The following THSD7A variants were observed in gnomAD, a reference collection of about 807,000 sequenced individuals.
The protein encoded by THSD7A is thrombospondin type-1 domain-containing protein 7A.
In THSD7A, 96 loss-of-function variants were observed where a neutral mutation model predicts 231.3. That is an observed-to-expected ratio of 0.41 (90% CI 0.35 to 0.49). THSD7A has a LOEUF of 0.49. Ranked by LOEUF, THSD7A falls within the 20% of genes least tolerant of loss-of-function variation. THSD7A has a pLI of 0.05. For missense variants in THSD7A, 2,290 were observed against 2,070.2 expected (o/e 1.11, Z -2.06); for synonymous variants, 940 against 743.3 (o/e 1.26, Z -4.30).
In THSD7A at chr7:11,814,507, C is replaced by T. The variant is rs1452349650; in HGVS notation, c.190+17250G>A. Among the ~76,000 whole-genome samples, 1 of 152,124 alleles carries T rather than the reference C, an allele frequency of 6.6e-6. No homozygotes were observed. The highest frequency in any genetic ancestry group is 2.4e-5 in the African/African-American group (1 of 41,426). On this transcript the variant is annotated intron_variant, in intron 1 of 27. Coordinates refer to ENST00000423059, the MANE Select transcript of THSD7A (RefSeq NM_015204.3). This position sits in a 1 kb window ranked among gnomAD's most constrained non-coding sequence, Gnocchi z 5.1. ...AGAATGATCTTGAAAGCTCTGAAAACTTTCATCATGATTTGGGAAATCATG... is the reference window on the plus strand; with the variant it reads ...AGAATGATCTTGAAAGCTCTGAAAATTTTCATCATGATTTGGGAAATCATG...
chr7:11,663,610 C>A (rs748890930), intron 1 of THSD7A, among the ~76,000 whole-genome samples: 41 of 151,456 alleles, frequency 2.7e-4, no homozygotes, highest in Admixed American at 2.6e-4. Flanking sequence ...AAATTAGAGG[C>A]CAGTCTCTCT....
rs57740181 is a variant in THSD7A, at chr7:11,778,156, CA to C, written c.190+53600del. The stretch of plus-strand genomic sequence containing the variant: ...TGGGCGACAGAGCGAGACTCCGTCT[CA>C]AAAAAAAAAAAAAAAAAAAAAGAAA... On this transcript the variant is annotated intron_variant, in intron 1 of 27. Transcript: ENST00000423059. 7.4e-3 allele frequency among the ~76,000 whole-genome samples: 333 copies of C among 45,040 alleles called. 3 individuals are homozygous for C. Among genetic ancestry groups the C allele is most frequent in the South Asian group, 0.02 (16 of 794 alleles). 29.5% of individuals were successfully genotyped at this position (45,040 alleles called of 152,430 possible).
intron 9 of THSD7A, among the ~76,000 whole-genome samples, chr7:11,468,043 T>C (rs1785778620): frequency 6.6e-6 from 1 of 152,036 alleles, no homozygotes; most frequent in Non-Finnish European, 1.5e-5. Context: ...AAAAGAGTAA[T>C]TTACACAATA....
intron 5 of THSD7A, 94 bp from the exon 6 acceptor site, chr7:11,541,725 A>T (rs1366196871): frequency 1.7e-6 from 2 of 1,176,534 alleles, no homozygotes; most frequent in African/African-American, 1.5e-5. Context: ...GTTGGATAAG[A>T]GTGGAGGTAG....
At chr7:11,660,898 C>T (rs536857692) in intron 1 of THSD7A, among the ~76,000 whole-genome samples, 1 of 151,256 alleles carries the variant, frequency 6.6e-6, no homozygotes, top group Non-Finnish European at 1.5e-5. Flanking sequence ...TATTTTAAAA[C>T]AACAGAGACA....
At position 11,786,815 on chromosome 7, in the gene THSD7A, T is replaced by G. The variant is rs1583290649; in HGVS notation, c.190+44942A>C. 2.0e-5 allele frequency among the ~76,000 whole-genome samples: 3 copies of G among 151,340 alleles called. No homozygotes were observed. The East Asian group carries it at 5.8e-4, about 29-fold the overall frequency. ...ATGTAATGCTAGTAAAGTCTTTTCT[T>G]TGGTCTCTCTCTTCCCCTACACCGA... On this transcript the variant is annotated intron_variant, in intron 1 of 27. Transcript: ENST00000423059.
In THSD7A at chr7:11,607,772, A is replaced by G. The variant is rs374539518; in HGVS notation, c.1023-14270T>C. ...GGCAAAATGCACTCATGTTAAAGCC[A>G]TTTTCCTTGTAAAAACAGAGGTCTT... On this transcript the variant is annotated intron_variant, in intron 2 of 27. Coordinates refer to ENST00000423059, the MANE Select transcript of THSD7A (RefSeq NM_015204.3). Among the ~76,000 whole-genome samples the G allele has an allele frequency of 3.3e-5, 5 of 152,182 alleles. 1 individual carries two copies. Among genetic ancestry groups the G allele is most frequent in the African/African-American group, 9.6e-5 (4 of 41,540 alleles).
At chr7:11,676,070 C>A (rs567964663) in intron 1 of THSD7A, among the ~76,000 whole-genome samples, 1 of 152,162 alleles carries the variant, frequency 6.6e-6, no homozygotes, top group Non-Finnish European at 1.5e-5. Context: ...AAAGAAGGAG[C>A]AAGCAGCAAT....
Position 11,379,714 on chromosome 7 carries a change from T to C in THSD7A, c.4508-2A>G. ...GCTGGCTCATCACCAAGCAGCCCCCTGCGGAACAGAAAATCATGTTTTGAC... is the reference window on the plus strand; with the variant it reads ...GCTGGCTCATCACCAAGCAGCCCCCCGCGGAACAGAAAATCATGTTTTGAC... On this transcript the variant is annotated splice_acceptor_variant, in intron 24 of 27. Transcript: ENST00000423059. LOFTEE classifies it high-confidence loss of function. The C allele has an allele frequency of 6.3e-7, 1 of 1,581,914 alleles. No homozygotes were observed. Among genetic ancestry groups the C allele is most frequent in the Non-Finnish European group, 8.6e-7 (1 of 1,162,986 alleles).
At chr7:11,575,315 C>T (rs68) in intron 4 of THSD7A, among the ~76,000 whole-genome samples, 125,040 of 152,132 alleles carry the variant, frequency 0.82, 51,776 homozygotes, top group African/African-American at 0.91. Flanking sequence ...CTTACATCTG[C>T]TTCAGATTTT....
intron 14 of THSD7A, among the ~76,000 whole-genome samples, chr7:11,428,407 G>A (rs956037835): frequency 3.9e-5 from 6 of 152,070 alleles, no homozygotes; most frequent in Admixed American, 3.3e-4. Flanking sequence ...AAATAAAATT[G>A]AAAATGGTCA....
At chr7:11,460,056 A>G (rs760317370) in intron 11 of THSD7A, among the ~76,000 whole-genome samples, 1 of 152,074 alleles carries the variant, frequency 6.6e-6, no homozygotes, top group Non-Finnish European at 1.5e-5. Flanking sequence ...TATCTAGTAA[A>G]TAATTATGGC....
At chr7:11,659,176 T>C (rs569959975) in intron 1 of THSD7A, among the ~76,000 whole-genome samples, 60 of 151,840 alleles carry the variant, frequency 4.0e-4, no homozygotes, top group African/African-American at 1.4e-3. Context: ...AGTTACACAT[T>C]TGGTTACAGT....
chr7:11,676,533 G>C (rs1267707668), intron 1 of THSD7A, among the ~76,000 whole-genome samples: 1 of 151,984 alleles, frequency 6.6e-6, no homozygotes, highest in Non-Finnish European at 1.5e-5. Flanking sequence ...AAAGATGAGA[G>C]GAATCGCTAA....
At chr7:11,538,297 A>G (rs1788998142) in intron 6 of THSD7A, among the ~76,000 whole-genome samples, 1 of 152,212 alleles carries the variant, frequency 6.6e-6, no homozygotes, top group Non-Finnish European at 1.5e-5. Context: ...AAAAGTGTCA[A>G]TATTCGATAT....
At chr7:11,800,194 C>T (rs79622005) in intron 1 of THSD7A, among the ~76,000 whole-genome samples, 2,738 of 152,184 alleles carry the variant, frequency 0.018, 83 homozygotes, top group African/African-American at 0.063. Context: ...CAAAAAGTTA[C>T]GCTGCTGTCC....
chr7:11,664,979 C>G (rs550085671), intron 1 of THSD7A, among the ~76,000 whole-genome samples: 2 of 152,114 alleles, frequency 1.3e-5, no homozygotes, highest in African/African-American at 4.8e-5. Context: ...ATTGACTGGC[C>G]TGTTACTTGT....
chr7:11,794,191 A>G (rs1583296371), intron 1 of THSD7A, among the ~76,000 whole-genome samples: 1 of 152,090 alleles, frequency 6.6e-6, no homozygotes, highest in South Asian at 2.1e-4. Flanking sequence ...GTGAAAATAC[A>G]TGTTATACCT....
Position 11,446,087 on chromosome 7 carries a change from A to T in THSD7A, c.3038T>A (p.Val1013Glu). ...MACYDQNGRL[V>E]ETSRCNSHGY... ...ATGGCTGTTACATCTAGATGTTTCC[A>T]CAAGCCTGCCATTTTGATCGTAGCA... The change falls in exon 13 of 28, where the codon GTG becomes GAG. Residue 1013 changes from valine to glutamate, a missense_variant. Physicochemically the swap from Val to Glu is moderately radical, Grantham distance 121. Transcript: ENST00000423059. The surrounding 1 kb of genome is among the most constrained non-coding windows in gnomAD (Gnocchi z 4.0). The T allele has an allele frequency of 6.2e-7, 1 of 1,613,294 alleles. No homozygotes were observed. Among genetic ancestry groups the T allele is most frequent in the Non-Finnish European group, 8.5e-7 (1 of 1,179,498 alleles).
Sources: gnomAD v4.1 joint callset for allele counts (sites outside exome capture counted in the v4.1 genomes callset) on GRCh38, gnomAD v4.1.1 for gene constraint, Gnocchi (gnomAD v3.1) non-coding constraint, MANE v1.5 for transcripts, NCBI Gene and HGNC (gene_info 2026-07-23, HGNC 2026-07-21) for gene names.